Variants in EVC2 observed in about 807,000 individuals in gnomAD.
EVC2 encodes EvC ciliary complex subunit 2, also known as limbin.
EVC2 carries 148 observed loss-of-function variants against 149.3 expected under a neutral mutation model. The ratio of observed to expected loss-of-function variants is 0.99; its 90% confidence interval spans 0.87 to 1.14. EVC2 has a LOEUF of 1.14. EVC2 is among the 50% of genes most tolerant of loss of function. EVC2 has a pLI of 0.00. For synonymous variants in EVC2, 776 were observed against 649.9 expected (o/e 1.19, Z -2.95); for missense variants, 1,854 against 1,627.3 (o/e 1.14, Z -2.40).
At chr4:5,602,136 T>C (rs1046985581) in intron 16 of EVC2, among the ~76,000 whole-genome samples, 8 of 151,230 alleles carry the variant, frequency 5.3e-5, no homozygotes, top group Non-Finnish European at 1.2e-4. Flanking sequence ...ATAAAAAATT[T>C]TAAAAATTAG....
At position 5,706,337 on chromosome 4, in the gene EVC2, G is replaced by GATAGATAGATAGATACATAGATAC. The variant is rs1560243185; in HGVS notation, c.228+1948_228+1949insGTATCTATGTATCTATCTATCTAT. Among the ~76,000 whole-genome samples, 44 of 54,242 alleles carry GATAGATAGATAGATACATAGATAC rather than the reference G, an allele frequency of 8.1e-4. 1 individual carries two copies. Among genetic ancestry groups the GATAGATAGATAGATACATAGATAC allele is most frequent in the South Asian group, 3.3e-3 (4 of 1,228 alleles). 35.6% of individuals were successfully genotyped at this position (54,242 alleles called of 152,430 possible). A position where few individuals can be genotyped will look rare whatever the true frequency, so the allele number is the denominator to read the frequency against. On this transcript the variant is annotated intron_variant, in intron 1 of 21. Coordinates refer to ENST00000344408, the MANE Select transcript of EVC2 (RefSeq NM_147127.5). The stretch of plus-strand genomic sequence containing the variant: ...AGATAGATACATAGATAGATAGATA[G>GATAGATAGATAGATACATAGATAC]ATACATAGATAGATAGACACATAGA...
At chr4:5,539,404 C>G (rs1008059365), downstream of EVC2, among the ~76,000 whole-genome samples, 6 of 152,118 alleles carry the variant, frequency 3.9e-5, no homozygotes, top group Admixed American at 2.6e-4. Context: ...AAAATCACAG[C>G]AGGATATTTT....
At chr4:5,561,415 C>G (rs1721954741), downstream of EVC2, among the ~76,000 whole-genome samples, 1 of 152,210 alleles carries the variant, frequency 6.6e-6, no homozygotes, top group Non-Finnish European at 1.5e-5. Context: ...GATGGGAAAA[C>G]TGGCGCCATC....
chr4:5,650,626 T>TAG (rs1560195927), intron 9 of EVC2, among the ~76,000 whole-genome samples: 22 of 83,246 alleles, frequency 2.6e-4, no homozygotes, highest in Non-Finnish European at 1.7e-4. Context: ...TATATATATA[T>TAG]ATATATATAT....
At chr4:5,550,443 T>C (rs553771969) in intron 21 of EVC2, among the ~76,000 whole-genome samples, 1 of 152,204 alleles carries the variant, frequency 6.6e-6, no homozygotes, top group African/African-American at 2.4e-5. Context: ...TCCTAGAGAT[T>C]TGTGGAACTC....
chr4:5,577,424 A>C (rs1168600905), intron 17 of EVC2, among the ~76,000 whole-genome samples: 1 of 152,212 alleles, frequency 6.6e-6, no homozygotes, highest in East Asian at 1.9e-4. Context: ...CATTTAACCC[A>C]GTATTTACCA....
chr4:5,562,931 C>T lies in EVC2; in HGVS notation c.3844G>A (p.Glu1282Lys). Residue 1282 changes from glutamate to lysine, a missense_variant, in exon 22 of 22, where the codon GAG becomes AAG. Coordinates refer to ENST00000344408, the MANE Select transcript of EVC2 (RefSeq NM_147127.5). The surrounding 1 kb of genome is among the most constrained non-coding windows in gnomAD (Gnocchi z 4.3). ...LFIFRNPKEP[E>K]ISLHVPPRKK... ...CTGGGAGGAACGTGCAGTGAGATCT[C>T]TGGCTCCTTTGGATTTCTGAATATA... 6.2e-7 allele frequency: 1 copy of T among 1,614,164 alleles called. No individual in the cohort carries two copies. The highest frequency in any genetic ancestry group is 8.5e-7 in the Non-Finnish European group (1 of 1,180,044).
At chr4:5,571,232 C>A (rs563316958) in intron 19 of EVC2, among the ~76,000 whole-genome samples, 1 of 145,920 alleles carries the variant, frequency 6.9e-6, no homozygotes, top group Non-Finnish European at 1.5e-5. Context: ...GCAGGGGAAT[C>A]GCTTGAACCA....
intron 1 of EVC2, 164 bp downstream of exon 1, chr4:5,708,122 G>C: frequency 3.6e-6 from 2 of 551,052 alleles, no homozygotes; most frequent in Non-Finnish European, 5.7e-6. Context: ...GAAGCTTTCT[G>C]GCCGTGAGCG....
chr4:5,544,658 C>A (rs1341916816), intron 21 of EVC2, among the ~76,000 whole-genome samples: 1 of 152,192 alleles, frequency 6.6e-6, no homozygotes, highest in East Asian at 1.9e-4. Context: ...CTCCGCATAT[C>A]ACACTGGATG....
intron 14 of EVC2, among the ~76,000 whole-genome samples, chr4:5,621,835 C>A (rs1413267612): frequency 6.6e-6 from 1 of 152,102 alleles, no homozygotes; most frequent in African/African-American, 2.4e-5. Context: ...CAGGGTGAGA[C>A]CCCGTCTCTA....
At chr4:5,705,502 T>C (rs996158213) in intron 1 of EVC2, among the ~76,000 whole-genome samples, 3 of 152,170 alleles carry the variant, frequency 2.0e-5, no homozygotes, top group Non-Finnish European at 4.4e-5. Context: ...TCATTTTAAA[T>C]AGGAATAACA....
chr4:5,693,390 A>G (rs1288077759), intron 3 of EVC2, among the ~76,000 whole-genome samples: 1 of 152,252 alleles, frequency 6.6e-6, no homozygotes, highest in Non-Finnish European at 1.5e-5. Flanking sequence ...CTGACATCCA[A>G]TGACAAGTGT....
chr4:5,574,594 A>G, intron 19 of EVC2, 91 bp downstream of exon 19: 1 of 1,327,526 alleles, frequency 7.5e-7, no homozygotes, highest in Non-Finnish European at 1.1e-6. Flanking sequence ...TTTCATCACC[A>G]TCCTGGAGGT....
intron 20 of EVC2, among the ~76,000 whole-genome samples, chr4:5,566,810 G>A (rs17686695): frequency 0.48 from 73,631 of 151,900 alleles, 20,587 homozygotes; most frequent in Non-Finnish European, 0.64. Flanking sequence ...CCAAAAACAA[G>A]GTCCACAGGG....
At chr4:5,701,616 C>T (rs1454162873) in intron 1 of EVC2, among the ~76,000 whole-genome samples, 1 of 152,180 alleles carries the variant, frequency 6.6e-6, no homozygotes, top group African/African-American at 2.4e-5. Context: ...GTGAGCTCAT[C>T]CAGGCCCTCA....
the EVC2 span, among the ~76,000 whole-genome samples, chr4:5,533,775 G>A: frequency 6.6e-6 from 1 of 152,166 alleles, no homozygotes; most frequent in African/African-American, 2.4e-5. Flanking sequence ...AAAGAGGGGT[G>A]GACAAGTCCC....
At chr4:5,654,998 A>G (rs1718418387) in intron 9 of EVC2, among the ~76,000 whole-genome samples, 1 of 152,164 alleles carries the variant, frequency 6.6e-6, no homozygotes, top group African/African-American at 2.4e-5. Context: ...CACCCAGCCT[A>G]CATCGTGCCT....
chr4:5,548,970 CTTCTTTCT>C (rs778724423), intron 21 of EVC2, among the ~76,000 whole-genome samples: 1 of 24,416 alleles, frequency 4.1e-5, no homozygotes, highest in African/African-American at 6.5e-5. Context: ...TCCTTCCTTC[CTTCTTTCT>C]TTCTTTCTTC....
Sources: allele counts gnomAD v4.1 joint callset (sites outside exome capture counted in the v4.1 genomes callset), GRCh38; gene constraint gnomAD v4.1.1; non-coding constraint Gnocchi (gnomAD v3.1); transcripts MANE v1.5; gene names NCBI Gene and HGNC (gene_info 2026-07-23, HGNC 2026-07-21).